SLC1A3: variants seen among roughly 807,000 people sequenced by gnomAD.
SLC1A3 encodes excitatory amino acid transporter 1.
SLC1A3 carries 21 observed loss-of-function variants against 48.1 expected under a neutral mutation model. The observed-to-expected ratio is 0.44, with a 90% CI of 0.31 to 0.63. The LOEUF (loss-of-function observed/expected upper bound fraction) is 0.63. Ranked by LOEUF, SLC1A3 falls within the 20% of genes least tolerant of loss-of-function variation. SLC1A3 has a pLI of 0.08. For missense variants in SLC1A3, 546 were observed against 689.0 expected, an observed-to-expected ratio of 0.79 and a Z score of 2.32; for synonymous variants, 239 against 251.4, an observed-to-expected ratio of 0.95 and a Z score of 0.47.
intron 4 of SLC1A3, among the ~76,000 whole-genome samples, chr5:36,673,413 T>C (rs1742076404): frequency 6.6e-6 from 1 of 152,172 alleles, no homozygotes; most frequent in African/African-American, 2.4e-5. Flanking sequence ...AGCCAGAGTG[T>C]TGTCCCTCAC....
At chr5:36,682,639 C>T (rs7726798) in intron 8 of SLC1A3, among the ~76,000 whole-genome samples, 130,870 of 152,274 alleles carry the variant, frequency 0.86, 56,324 homozygotes, top group Middle Eastern at 0.9. Context: ...TTGATAGGTG[C>T]TCTGTGGTAT....
rs148313556 is a variant in SLC1A3 at position 36,619,625 on chromosome 5, A to G, written c.182-9825A>G. ...CCCTAGCTCTAAAAATAATGAAAAT[A>G]AGCGAATGGAAATTTATGTCCAACA... On this transcript the variant is annotated intron_variant, in intron 2 of 9. Coordinates refer to ENST00000265113, the MANE Select transcript of SLC1A3 (RefSeq NM_004172.5). 5.6e-4 allele frequency among the ~76,000 whole-genome samples: 86 copies of G among 152,326 alleles called. No homozygotes were observed. The East Asian group carries it at 0.014, about 26-fold the overall frequency.
Position 36,617,797 on chromosome 5 carries a change from T to C in SLC1A3, c.181+9193T>C, listed in dbSNP as rs118131945. Among the ~76,000 whole-genome samples, 618 of 152,342 alleles carry C rather than the reference T, an allele frequency of 4.1e-3. 16 individuals are homozygous for C. In the East Asian group the frequency reaches 0.056, roughly 14 times the overall value. ...TATAACTTATTTAAGCAATTACCAATTGATGGACACTTCGGTTGTTTCCAG... is the reference window on the plus strand; with the variant it reads ...TATAACTTATTTAAGCAATTACCAACTGATGGACACTTCGGTTGTTTCCAG... On this transcript the variant is annotated intron_variant, in intron 2 of 9. Transcript: ENST00000265113.
At chr5:36,617,707 T>A (rs1045100561) in intron 2 of SLC1A3, among the ~76,000 whole-genome samples, 4 of 152,142 alleles carry the variant, frequency 2.6e-5, no homozygotes, top group Admixed American at 6.5e-5. Context: ...ACAATATACC[T>A]GGGATATTAT....
chr5:36,611,325 G>C (rs1421056579), intron 2 of SLC1A3, among the ~76,000 whole-genome samples: 2 of 144,692 alleles, frequency 1.4e-5, no homozygotes, highest in African/African-American at 5.0e-5. Context: ...TATGTACTGG[G>C]TTGAATCTTT....
intron 9 of SLC1A3, among the ~76,000 whole-genome samples, chr5:36,684,354 G>C (rs1014560164): frequency 6.6e-6 from 1 of 152,242 alleles, no homozygotes; most frequent in Non-Finnish European, 1.5e-5. Context: ...AAAGCTGCAG[G>C]CCCCACATGC....
chr5:36,659,018 C>G (rs1741399711), intron 3 of SLC1A3, among the ~76,000 whole-genome samples: 1 of 152,038 alleles, frequency 6.6e-6, no homozygotes, highest in African/African-American at 2.4e-5. Flanking sequence ...ATATGGCTTC[C>G]TTTCAAACAT....
Position 36,686,776 on chromosome 5 carries a change from G to T in SLC1A3, c.*507G>T. ...GTATACCTATTTCATTAGTAGCTAG[G>T]TGCACATATACATCTAGCACAGCTG... On this transcript the variant is annotated 3_prime_UTR_variant, in exon 10 of 10. Coordinates refer to ENST00000265113, the MANE Select transcript of SLC1A3 (RefSeq NM_004172.5). 4.6e-6 allele frequency: 1 copy of T among 219,446 alleles called. No homozygotes were observed. The highest frequency in any genetic ancestry group is 9.2e-6 in the Non-Finnish European group (1 of 109,210). The allele number at this position is 219,446 out of a possible 1,614,324, so 13.6% of individuals were successfully genotyped here. A position where few individuals can be genotyped will look rare whatever the true frequency, so the allele number is the denominator to read the frequency against.
upstream of SLC1A3, among the ~76,000 whole-genome samples, chr5:36,602,342 T>C (rs954692512): frequency 1.3e-5 from 2 of 151,874 alleles, no homozygotes; most frequent in South Asian, 4.1e-4. Flanking sequence ...AATAATAGAG[T>C]AGAATAGACC....
chr5:36,660,499 T>C (rs1741461006), intron 3 of SLC1A3, among the ~76,000 whole-genome samples: 1 of 152,242 alleles, frequency 6.6e-6, no homozygotes, highest in Admixed American at 6.5e-5. Flanking sequence ...ATGCCACTAC[T>C]TGTGGAATAT....
chr5:36,682,707 C>A (rs373974307), intron 8 of SLC1A3, among the ~76,000 whole-genome samples: 13 of 152,300 alleles, frequency 8.5e-5, no homozygotes, highest in African/African-American at 3.1e-4. Context: ...TGACTCACCA[C>A]CCCCAGATTT....
chr5:36,657,428 T>C (rs1473888729), intron 3 of SLC1A3, among the ~76,000 whole-genome samples: 1 of 152,144 alleles, frequency 6.6e-6, no homozygotes, highest in Non-Finnish European at 1.5e-5. Context: ...TGGCTGAATA[T>C]CTAGACTTAA....
intron 2 of SLC1A3, among the ~76,000 whole-genome samples, chr5:36,616,603 C>T (rs1022695639): frequency 6.6e-6 from 1 of 152,174 alleles, no homozygotes; most frequent in Non-Finnish European, 1.5e-5. Flanking sequence ...AGAAGACAGC[C>T]GGCTGTTAGC....
At chr5:36,628,910 A>C (rs958264009) in intron 2 of SLC1A3, among the ~76,000 whole-genome samples, 4 of 152,204 alleles carry the variant, frequency 2.6e-5, no homozygotes, top group Non-Finnish European at 5.9e-5. Flanking sequence ...ATGTAGACAG[A>C]GGGAGAAAAT....
intron 2 of SLC1A3, among the ~76,000 whole-genome samples, chr5:36,623,995 C>T (rs1466011338): frequency 1.3e-5 from 2 of 151,952 alleles, no homozygotes; most frequent in Non-Finnish European, 2.9e-5. Context: ...TTTTTCATTG[C>T]TGGGGTAGAA....
At chr5:36,618,452 C>A (rs1273845821) in intron 2 of SLC1A3, among the ~76,000 whole-genome samples, 1 of 152,198 alleles carries the variant, frequency 6.6e-6, no homozygotes, top group Non-Finnish European at 1.5e-5. Flanking sequence ...CGCTCCCAGG[C>A]CAGCCCTGGC....
Position 36,674,090 on chromosome 5 carries a change from A to G in SLC1A3, c.566A>G (p.Gln189Arg). 6.2e-7 allele frequency: 1 copy of G among 1,612,072 alleles called. No homozygotes were observed. Among genetic ancestry groups the G allele is most frequent in the Non-Finnish European group, 8.5e-7 (1 of 1,178,224 alleles). Residue 189 changes from glutamine to arginine, a missense_variant and splice_region_variant, in exon 5 of 10, where the codon CAG becomes CGG. Coordinates refer to ENST00000265113, the MANE Select transcript of SLC1A3 (RefSeq NM_004172.5). ...AATCTGGTAGAAGCCTGCTTTAAAC[A>G]GGTAAACACTCTACAGACATTAACT... ...PPNLVEACFK[Q>R]FKTNYEKRSF...
At chr5:36,610,282 G>C (rs1739140302) in intron 2 of SLC1A3, among the ~76,000 whole-genome samples, 3 of 152,200 alleles carry the variant, frequency 2.0e-5, no homozygotes. Context: ...TTAGCTAGCA[G>C]TGCATTCACA....
intron 4 of SLC1A3, 149 bp downstream of exon 4, chr5:36,671,382 A>G: frequency 1.4e-6 from 1 of 704,572 alleles, no homozygotes; most frequent in South Asian, 1.5e-5. Context: ...TCTTTCTTAT[A>G]GAAATTGAAG....
Sources: gnomAD v4.1 joint callset for allele counts (sites outside exome capture counted in the v4.1 genomes callset) on GRCh38, gnomAD v4.1.1 for gene constraint, MANE v1.5 for transcripts, NCBI Gene and HGNC (gene_info 2026-07-23, HGNC 2026-07-21) for gene names.